The following NCOA2 variants were observed in gnomAD, a reference collection of about 807,000 sequenced individuals.
NCOA2 encodes the protein class E basic helix-loop-helix protein 75.
NCOA2 carries 21 observed loss-of-function variants against 145.1 expected under a neutral mutation model. That is an observed-to-expected ratio of 0.14 (90% CI 0.10 to 0.21). NCOA2 has a LOEUF of 0.21. NCOA2 is among the 10% of genes least tolerant of loss of function. The probability of loss-of-function intolerance (pLI) is 1.00; values close to 1 mark genes in which losing one functional copy is unlikely to be tolerated. For missense variants in NCOA2, 1,472 were observed against 1,837.6 expected (o/e 0.80, Z 3.64); for synonymous variants, 619 against 637.5 (o/e 0.97, Z 0.44).
At chr8:70,355,232 T>C (rs905521153) in intron 1 of NCOA2, among the ~76,000 whole-genome samples, 2 of 152,176 alleles carry the variant, frequency 1.3e-5, no homozygotes, top group Admixed American at 6.5e-5. Context: ...CAGAAGACAG[T>C]GCTGACCTAA....
intron 13 of NCOA2, among the ~76,000 whole-genome samples, chr8:70,142,465 G>A (rs1430454210): frequency 6.6e-6 from 1 of 152,172 alleles, no homozygotes; most frequent in Non-Finnish European, 1.5e-5. Flanking sequence ...TAGGGAGGCT[G>A]CGGTGGGCAG....
chr8:70,263,375 G>A (rs73684252), intron 2 of NCOA2, among the ~76,000 whole-genome samples: 2,249 of 151,636 alleles, frequency 0.015, 57 homozygotes, highest in African/African-American at 0.053. Context: ...AATAAATTTG[G>A]GCCACAGTTG....
chr8:70,252,570 G>C (rs1823286613), intron 2 of NCOA2, among the ~76,000 whole-genome samples: 1 of 152,058 alleles, frequency 6.6e-6, no homozygotes, highest in Non-Finnish European at 1.5e-5. Flanking sequence ...ACCATTCTCT[G>C]GTTCTCCTAT....
At chr8:70,353,154 T>C (rs1213965089) in intron 1 of NCOA2, among the ~76,000 whole-genome samples, 4 of 152,092 alleles carry the variant, frequency 2.6e-5, no homozygotes, top group African/African-American at 9.7e-5. Flanking sequence ...CTTAAAGTCA[T>C]AGCACAGTGA....
At chr8:70,266,558 G>C (rs1187693737) in intron 2 of NCOA2, among the ~76,000 whole-genome samples, 1 of 152,024 alleles carries the variant, frequency 6.6e-6, no homozygotes, top group African/African-American at 2.4e-5. Context: ...GCCCTGCATG[G>C]GCTTTGCTCC....
At chr8:70,164,235 C>T (rs529402928) in intron 7 of NCOA2, among the ~76,000 whole-genome samples, 3 of 152,272 alleles carry the variant, frequency 2.0e-5, no homozygotes, top group African/African-American at 7.2e-5. Flanking sequence ...TAATCCTCAC[C>T]TTGCTTCAAC....
intron 4 of NCOA2, among the ~76,000 whole-genome samples, chr8:70,195,437 C>T (rs368100140): frequency 5.9e-5 from 9 of 152,126 alleles, no homozygotes; most frequent in African/African-American, 1.4e-4. Context: ...CTGATTGAAA[C>T]GTGGGGTCCT....
intron 1 of NCOA2, among the ~76,000 whole-genome samples, chr8:70,342,123 G>C (rs562779155): frequency 6.6e-6 from 1 of 152,054 alleles, no homozygotes; most frequent in African/African-American, 2.4e-5. Context: ...TATTACATGC[G>C]TAAGGAATTA....
At chr8:70,356,749 A>G (rs755708013) in intron 1 of NCOA2, among the ~76,000 whole-genome samples, 1 of 152,226 alleles carries the variant, frequency 6.6e-6, no homozygotes, top group Non-Finnish European at 1.5e-5. Context: ...CAATACTGCC[A>G]TAATGCTTTG....
At chr8:70,202,952 G>A (rs1292224244) in intron 4 of NCOA2, among the ~76,000 whole-genome samples, 1 of 152,100 alleles carries the variant, frequency 6.6e-6, no homozygotes, top group East Asian at 1.9e-4. Flanking sequence ...CAGGACTTTG[G>A]GAGGCTGAGG....
At chr8:70,121,421 C>G (rs781204883) in intron 21 of NCOA2, 30 bp from the exon 22 acceptor site, 10 of 1,558,598 alleles carry the variant, frequency 6.4e-6, no homozygotes, top group Non-Finnish European at 8.8e-6. Flanking sequence ...ACAGTGGCTA[C>G]GCAGAGCAGA....
Position 70,166,655 on chromosome 8 carries a change from CCCT to C in NCOA2, c.638_640del (p.Glu213del). 1 of 1,613,970 alleles carries C rather than the reference CCCT, an allele frequency of 6.2e-7. No individual in the cohort carries two copies. The highest frequency in any genetic ancestry group is 8.5e-7 in the Non-Finnish European group (1 of 1,179,872). ...CTGATGAGCTTCCTGGTTATCATGA[CCCT>C]CCTCTTCTGAATCAGGTAAAGGTTT... On this transcript the variant is annotated inframe_deletion, in exon 7 of 23. Transcript: ENST00000452400.
intron 1 of NCOA2, among the ~76,000 whole-genome samples, chr8:70,385,989 T>C (rs1445972307): frequency 1.3e-5 from 2 of 152,188 alleles, no homozygotes; most frequent in Admixed American, 1.3e-4. Flanking sequence ...TATTGAGAAA[T>C]TTCTTAATAC....
chr8:70,299,353 T>C (rs1003133597), intron 1 of NCOA2, among the ~76,000 whole-genome samples: 2 of 151,966 alleles, frequency 1.3e-5, no homozygotes, highest in African/African-American at 4.8e-5. Context: ...AGGGAAGGAG[T>C]AGGGATAATT....
the NCOA2 span, among the ~76,000 whole-genome samples, chr8:70,453,777 A>G: frequency 1.3e-5 from 2 of 152,240 alleles, no homozygotes. Context: ...ACAGAAGTCA[A>G]ACACTGGATA....
At chr8:70,433,456 C>A in the NCOA2 span, among the ~76,000 whole-genome samples, 5 of 152,058 alleles carry the variant, frequency 3.3e-5, no homozygotes, top group African/African-American at 1.2e-4. Flanking sequence ...TTCCCATATG[C>A]CAATTTAGGG....
At chr8:70,125,883 G>C (rs1449897162) in intron 19 of NCOA2, among the ~76,000 whole-genome samples, 1 of 152,194 alleles carries the variant, frequency 6.6e-6, no homozygotes, top group African/African-American at 2.4e-5. Context: ...ATAGAGAAAG[G>C]AGCTGGGAAA....
the NCOA2 span, among the ~76,000 whole-genome samples, chr8:70,437,345 G>A: frequency 2.0e-5 from 3 of 152,242 alleles, no homozygotes; most frequent in African/African-American, 4.8e-5. Flanking sequence ...TAAGCTCCAC[G>A]GGGGCACCAA....
intron 2 of NCOA2, among the ~76,000 whole-genome samples, chr8:70,243,473 A>G (rs1822331248): frequency 6.6e-6 from 1 of 152,082 alleles, no homozygotes; most frequent in Non-Finnish European, 1.5e-5. Flanking sequence ...ATTTGTCTTC[A>G]TGTTCCCATA....
Sources: allele counts gnomAD v4.1 joint callset (sites outside exome capture counted in the v4.1 genomes callset), GRCh38; gene constraint gnomAD v4.1.1; transcripts MANE v1.5; gene names NCBI Gene and HGNC (gene_info 2026-07-23, HGNC 2026-07-21).